The following ANKRD42 variants were observed in gnomAD, a reference collection of about 807,000 sequenced individuals.
The protein encoded by ANKRD42 is ankyrin repeat domain-containing protein 42.
ANKRD42 carries 43 observed loss-of-function variants against 51.5 expected under a neutral mutation model. The observed-to-expected ratio is 0.83, with a 90% CI of 0.65 to 1.08. ANKRD42 has a LOEUF of 1.08. Ranked by LOEUF, ANKRD42 falls within the 50% of genes least tolerant of loss-of-function variation. ANKRD42 has a pLI of 0.00. For synonymous variants in ANKRD42, 203 were observed against 213.0 expected (o/e 0.95, Z 0.41); for missense variants, 608 against 629.3 (o/e 0.97, Z 0.36).
At position 83,255,748 on chromosome 11, in the gene ANKRD42, T is replaced by C. The variant is rs866758400; in HGVS notation, c.1465-97T>C. 90 of 826,234 alleles carry C rather than the reference T, an allele frequency of 1.1e-4. No homozygotes were observed. The African/African-American group carries it at 1.2e-3, about 11-fold the overall frequency. 51.2% of individuals were successfully genotyped at this position (826,234 alleles called of 1,614,324 possible). Reference sequence around the variant, plus strand: ...TTAATCAGAGTTGAAAATACTAGCATGGTTAATTTTTTTTTCTTTTGAACA... The same window carrying C: ...TTAATCAGAGTTGAAAATACTAGCACGGTTAATTTTTTTTTCTTTTGAACA... On this transcript the variant is annotated intron_variant, in intron 11 of 11. Coordinates refer to the ANKRD42 transcript ENST00000260047.
At chr11:83,202,642 T>C (rs1397776111) in intron 2 of ANKRD42, among the ~76,000 whole-genome samples, 1 of 152,210 alleles carries the variant, frequency 6.6e-6, no homozygotes, top group Admixed American at 6.5e-5. Flanking sequence ...CTGGTTGAAA[T>C]CCAGGTCAGT....
intron 6 of ANKRD42, among the ~76,000 whole-genome samples, chr11:83,227,199 A>G (rs1590992431): frequency 6.6e-6 from 1 of 151,830 alleles, no homozygotes; most frequent in Non-Finnish European, 1.5e-5. Context: ...TGCAACCTCC[A>G]CCTCCCAGGT....
In ANKRD42 at chr11:83,228,062, C is replaced by T. The variant is rs1452455033; in HGVS notation, c.913+190C>T. Among the ~76,000 whole-genome samples, 12 of 151,914 alleles carry T rather than the reference C, an allele frequency of 7.9e-5. No individual in the cohort carries two copies. The South Asian group carries it at 1.5e-3, about 18-fold the overall frequency. On this transcript the variant is annotated intron_variant, in intron 7 of 10. Coordinates refer to ENST00000533342, the MANE Select transcript of ANKRD42 (RefSeq NM_001300975.2). ...CAAGTGTAATGTTTCTTTTATGATGCCAGATATTCATACATTATCTTATTC... is the reference window on the plus strand; with the variant it reads ...CAAGTGTAATGTTTCTTTTATGATGTCAGATATTCATACATTATCTTATTC...
At chr11:83,245,379 C>A (rs72952696) in intron 9 of ANKRD42, 119 bp from the exon 10 acceptor site, 25,495 of 1,074,170 alleles carry the variant, frequency 0.024, 829 homozygotes, top group African/African-American at 0.11. Flanking sequence ...CCTCCACCCC[C>A]CTCTCCAAAC....
downstream of ANKRD42, among the ~76,000 whole-genome samples, chr11:83,253,530 A>AG (rs1367773793): frequency 6.6e-6 from 1 of 152,238 alleles, no homozygotes; most frequent in East Asian, 1.9e-4. Flanking sequence ...GGGCAAAAAA[A>AG]TACATACATT....
At chr11:83,232,598 C>G (rs1212035713) in intron 7 of ANKRD42, among the ~76,000 whole-genome samples, 1 of 152,038 alleles carries the variant, frequency 6.6e-6, no homozygotes, top group African/African-American at 2.4e-5. Flanking sequence ...TTTCTCTTGT[C>G]TTATTGCTCT....
intron 8 of ANKRD42, among the ~76,000 whole-genome samples, chr11:83,239,271 T>C (rs1030426416): frequency 6.6e-6 from 1 of 152,206 alleles, no homozygotes. Flanking sequence ...TTGAATTGTT[T>C]TCTTGATGTT....
downstream of ANKRD42, among the ~76,000 whole-genome samples, chr11:83,258,848 C>G (rs185838617): frequency 7.9e-4 from 120 of 152,108 alleles, no homozygotes; most frequent in African/African-American, 2.7e-3. Flanking sequence ...TTTTTCCTGA[C>G]TCTTGCCAAG....
At chr11:83,198,966 T>C (rs748392129) in intron 2 of ANKRD42, among the ~76,000 whole-genome samples, 5 of 152,316 alleles carry the variant, frequency 3.3e-5, no homozygotes, top group South Asian at 2.1e-4. Flanking sequence ...TGAAGGCTTA[T>C]TCACTCAAGA....
chr11:83,245,652 GT>G (rs1190732904), intron 10 of ANKRD42, 28 bp downstream of exon 10: 2 of 1,518,290 alleles, frequency 1.3e-6, no homozygotes, highest in African/African-American at 2.8e-5. Flanking sequence ...TTAATGATTT[GT>G]TTTTAAATAC....
intron 5 of ANKRD42, chr11:83,212,609 C>A (rs1256960071): frequency 1.4e-6 from 2 of 1,422,254 alleles, no homozygotes; most frequent in Non-Finnish European, 1.9e-6. Flanking sequence ...AGGGGAAGGG[C>A]AGAATAATAT....
At chr11:83,238,307 T>TA (rs1279486919) in intron 8 of ANKRD42, among the ~76,000 whole-genome samples, 2 of 152,236 alleles carry the variant, frequency 1.3e-5, no homozygotes, top group Non-Finnish European at 2.9e-5. Context: ...AATTCTTTGG[T>TA]AAGTCTATGA....
intron 7 of ANKRD42, among the ~76,000 whole-genome samples, chr11:83,231,528 C>T (rs1253148577): frequency 1.3e-5 from 2 of 151,942 alleles, no homozygotes; most frequent in Non-Finnish European, 2.9e-5. Context: ...ACTTTGTTTC[C>T]TTTGCTGTGC....
intron 1 of ANKRD42, among the ~76,000 whole-genome samples, chr11:83,195,889 T>C (rs1032903256): frequency 2.7e-5 from 4 of 148,900 alleles, no homozygotes; most frequent in Non-Finnish European, 4.5e-5. Flanking sequence ...CTGTCCCCCA[T>C]GCTGGAGTGC....
Position 83,248,792 on chromosome 11 carries a change from T to A in ANKRD42, c.*588T>A. The A allele has an allele frequency of 1.0e-6, 1 of 977,300 alleles. No individual in the cohort carries two copies. The highest frequency in any genetic ancestry group is 1.2e-6 in the Non-Finnish European group (1 of 822,544). 60.5% of individuals were successfully genotyped at this position (977,300 alleles called of 1,614,324 possible). On this transcript the variant is annotated 3_prime_UTR_variant, in exon 11 of 11. Coordinates refer to ENST00000533342, the MANE Select transcript of ANKRD42 (RefSeq NM_001300975.2). The stretch of plus-strand genomic sequence containing the variant: ...TTCCTTCTGACACTAAGTTCCACTC[T>A]CCAGAGGAAGCTATTGTTAACAATT...
downstream of ANKRD42, among the ~76,000 whole-genome samples, chr11:83,258,104 AAC>A (rs1210968743): frequency 1.3e-5 from 2 of 152,192 alleles, no homozygotes; most frequent in African/African-American, 4.8e-5. Context: ...GAATGAGGGC[AAC>A]ACCAGGATGG....
intron 5 of ANKRD42, among the ~76,000 whole-genome samples, chr11:83,216,952 G>A (rs1490155181): frequency 1.3e-5 from 2 of 152,222 alleles, no homozygotes; most frequent in East Asian, 3.9e-4. Flanking sequence ...CGAAGAAGGG[G>A]CCCTGCAGTT....
intron 8 of ANKRD42, among the ~76,000 whole-genome samples, chr11:83,236,891 A>G (rs957173327): frequency 3.9e-5 from 6 of 152,270 alleles, no homozygotes; most frequent in African/African-American, 1.4e-4. Flanking sequence ...CTGTTAAGAA[A>G]TGCTGTGTGA....
Position 83,234,490 on chromosome 11 carries a change from A to G in ANKRD42, c.914-1914A>G, listed in dbSNP as rs926603548. Among the ~76,000 whole-genome samples the G allele has an allele frequency of 4.6e-5, 7 of 152,190 alleles. No individual in the cohort carries two copies. In the South Asian group the frequency reaches 1.4e-3, roughly 31 times the overall value. On this transcript the variant is annotated intron_variant, in intron 7 of 10. Coordinates refer to ENST00000533342, the MANE Select transcript of ANKRD42 (RefSeq NM_001300975.2). ...TAATTTTTCTTGTTCCTTTTAAAAC[A>G]TTGGTCAAATTAGTCACATATCCTA...
Sources: allele counts gnomAD v4.1 joint callset (sites outside exome capture counted in the v4.1 genomes callset), GRCh38; gene constraint gnomAD v4.1.1; transcripts MANE v1.5; gene names NCBI Gene and HGNC (gene_info 2026-07-23, HGNC 2026-07-21).